WWC1: variants seen among roughly 807,000 people sequenced by gnomAD.
The protein encoded by WWC1 is WW and C2 domain containing 1, also known as protein KIBRA.
In WWC1, 55 loss-of-function variants were observed where a neutral mutation model predicts 138.4. That is an observed-to-expected ratio of 0.40 (90% confidence interval 0.32 to 0.50). The LOEUF is 0.50. Ranked by LOEUF, WWC1 falls within the 20% of genes least tolerant of loss-of-function variation. WWC1 has a pLI of 0.72. For synonymous variants in WWC1, 524 were observed against 564.9 expected, an observed-to-expected ratio of 0.93 and a Z score of 1.03; for missense variants, 1,226 against 1,420.4, an observed-to-expected ratio of 0.86 and a Z score of 2.20.
chr5:168,297,495 G>A (rs1769642704), intron 1 of WWC1, among the ~76,000 whole-genome samples: 2 of 152,092 alleles, frequency 1.3e-5, no homozygotes, highest in Non-Finnish European at 2.9e-5. Context: ...GCATGGCGGT[G>A]CATGCCTGTA....
chr5:168,313,639 T>C (rs1306919099), intron 1 of WWC1, among the ~76,000 whole-genome samples: 1 of 151,350 alleles, frequency 6.6e-6, no homozygotes, highest in Non-Finnish European at 1.5e-5. Context: ...CCAGATCCCC[T>C]GAATCAGAAT....
intron 15 of WWC1, among the ~76,000 whole-genome samples, chr5:168,439,430 G>A (rs1296265949): frequency 6.7e-6 from 1 of 149,562 alleles, no homozygotes; most frequent in Non-Finnish European, 1.5e-5. Context: ...TTCGAGACCA[G>A]CCTGACCGAC....
At chr5:168,435,039 T>C (rs532356246) in intron 15 of WWC1, among the ~76,000 whole-genome samples, 2 of 152,320 alleles carry the variant, frequency 1.3e-5, no homozygotes, top group East Asian at 1.9e-4. Context: ...ATGGTATCAT[T>C]TGGAAATGGT....
intron 1 of WWC1, among the ~76,000 whole-genome samples, chr5:168,368,953 C>G (rs1387482580): frequency 1.3e-5 from 2 of 152,162 alleles, no homozygotes; most frequent in East Asian, 3.9e-4. Context: ...TCCCCATCAC[C>G]TGTGTCTACC....
rs1361214530 is a variant in WWC1 at position 168,307,635 on chromosome 5, C to T, written c.119+15364C>T. ...TTTTTTTTAAATTGAGACAGAGTCT[C>T]GCTCTGTTGTTCAGGCTGGAGTGCA... On this transcript the variant is annotated intron_variant, in intron 1 of 22. Transcript: ENST00000265293. 2.3e-4 allele frequency among the ~76,000 whole-genome samples: 34 copies of T among 145,814 alleles called. No homozygotes were observed. In the Admixed American group the frequency reaches 2.4e-3, roughly 10 times the overall value.
chr5:168,310,840 A>G (rs1355335916), intron 1 of WWC1, among the ~76,000 whole-genome samples: 1 of 152,080 alleles, frequency 6.6e-6, no homozygotes, highest in Non-Finnish European at 1.5e-5. Flanking sequence ...CCTGTCTAAA[A>G]AAAAAGCATA....
At chr5:168,381,754 G>A (rs1347961603) in intron 2 of WWC1, among the ~76,000 whole-genome samples, 2 of 147,312 alleles carry the variant, frequency 1.4e-5, no homozygotes, top group East Asian at 3.9e-4. Flanking sequence ...GTGGGGTTCA[G>A]GCTTTTTTTT....
intron 17 of WWC1, among the ~76,000 whole-genome samples, chr5:168,445,701 C>CAA (rs763044458): frequency 5.9e-3 from 293 of 49,404 alleles, no homozygotes; most frequent in Non-Finnish European, 7.4e-3. Context: ...GACTCTGTCT[C>CAA]AAAAAAAAAA....
intron 21 of WWC1, among the ~76,000 whole-genome samples, chr5:168,466,436 C>T (rs1239915151): frequency 6.6e-6 from 1 of 152,210 alleles, no homozygotes; most frequent in Non-Finnish European, 1.5e-5. Context: ...GCCAGCCTTG[C>T]TGAGAGCACC....
At chr5:168,429,856 G>C (rs1561754363) in intron 13 of WWC1, among the ~76,000 whole-genome samples, 1 of 152,094 alleles carries the variant, frequency 6.6e-6, no homozygotes, top group Non-Finnish European at 1.5e-5. Flanking sequence ...GATCACCTGA[G>C]CCTGGGAGGT....
chr5:168,334,608 A>C (rs1368562817), intron 1 of WWC1, among the ~76,000 whole-genome samples: 1 of 151,708 alleles, frequency 6.6e-6, no homozygotes, highest in Non-Finnish European at 1.5e-5. Flanking sequence ...AGAATTGCCC[A>C]AATTATTTCT....
At chr5:168,460,849 C>A in intron 20 of WWC1, 107 bp downstream of exon 20, 1 of 1,172,884 alleles carries the variant, frequency 8.5e-7, no homozygotes, top group Non-Finnish European at 1.2e-6. Context: ...TCTCCTCAGC[C>A]ACTGGCTAGA....
chr5:168,295,587 A>T (rs1374693179), intron 1 of WWC1, among the ~76,000 whole-genome samples: 1 of 151,616 alleles, frequency 6.6e-6, no homozygotes, highest in African/African-American at 2.4e-5. Flanking sequence ...AATTTAAAAG[A>T]AGTAAGTCAA....
At chr5:168,436,314 C>T (rs1253958561) in intron 15 of WWC1, among the ~76,000 whole-genome samples, 2 of 152,188 alleles carry the variant, frequency 1.3e-5, no homozygotes, top group Non-Finnish European at 2.9e-5. Flanking sequence ...CTCCTGGTTA[C>T]CTCGCTCTTC....
intron 8 of WWC1, chr5:168,414,057 A>G (rs181397251): frequency 1.1e-5 from 4 of 373,192 alleles, no homozygotes; most frequent in Non-Finnish European, 2.0e-5. Flanking sequence ...CAGTGCTAAG[A>G]GGTTAGTGCC....
At chr5:168,413,761 A>G (rs1780390909) in intron 8 of WWC1, among the ~76,000 whole-genome samples, 1 of 152,212 alleles carries the variant, frequency 6.6e-6, no homozygotes, top group African/African-American at 2.4e-5. Flanking sequence ...TTAGTGGTCC[A>G]GAACTGTCAG....
At chr5:168,427,728 C>A (rs1253455257) in intron 11 of WWC1, among the ~76,000 whole-genome samples, 1 of 151,612 alleles carries the variant, frequency 6.6e-6, no homozygotes, top group Non-Finnish European at 1.5e-5. Context: ...CCAAAGCAGG[C>A]AGATCGCCTA....
intron 5 of WWC1, among the ~76,000 whole-genome samples, chr5:168,403,369 T>A (rs536839198): frequency 6.8e-4 from 103 of 152,208 alleles, no homozygotes; most frequent in Non-Finnish European, 1.2e-3. Context: ...AGTGCTGGGA[T>A]TACAGGTGTG....
rs543302933 is a variant in WWC1, at chr5:168,379,841, G to A, written c.230-5370G>A. Among the ~76,000 whole-genome samples the A allele has an allele frequency of 2.0e-5, 3 of 152,250 alleles. No individual in the cohort carries two copies. The South Asian group carries it at 6.2e-4, about 32-fold the overall frequency. On this transcript the variant is annotated intron_variant, in intron 2 of 22. Transcript: ENST00000265293. Reference sequence around the variant, plus strand: ...CACTTCTACCTTTGCCTCACACCATGTGTAAAACTAAACTCAAAATAGATC... The same window carrying A: ...CACTTCTACCTTTGCCTCACACCATATGTAAAACTAAACTCAAAATAGATC...
Sources: allele counts gnomAD v4.1 joint callset (sites outside exome capture counted in the v4.1 genomes callset), GRCh38; gene constraint gnomAD v4.1.1; transcripts MANE v1.5; gene names NCBI Gene and HGNC (gene_info 2026-07-23, HGNC 2026-07-21).